The following ARHGAP20 variants were observed in gnomAD, a reference collection of about 807,000 sequenced individuals.
ARHGAP20 encodes the protein Rho GTPase activating protein 20, also known as rho GTPase-activating protein 20.
Under a neutral mutation model 73.7 loss-of-function variants are expected in ARHGAP20, and 34 were observed. The observed-to-expected ratio is 0.46, with a 90% confidence interval of 0.35 to 0.61. ARHGAP20 has a LOEUF of 0.61. Among genes scored for constraint, ARHGAP20 ranks in the 20% least tolerant of loss-of-function variants. The pLI is 0.00. For missense variants in ARHGAP20, 1,314 were observed against 1,420.9 expected (o/e 0.92, Z 1.21); for synonymous variants, 523 against 518.2 (o/e 1.01, Z -0.13).
chr11:110,583,469 A>G, intron 13 of ARHGAP20, 79 bp downstream of exon 13: 1 of 1,264,144 alleles, frequency 7.9e-7, no homozygotes, highest in Non-Finnish European at 1.1e-6. Flanking sequence ...TTAAGAAATC[A>G]TCTTTTAGAA....
At chr11:110,674,618 C>T (rs892124376) in intron 2 of ARHGAP20, among the ~76,000 whole-genome samples, 5 of 152,138 alleles carry the variant, frequency 3.3e-5, no homozygotes, top group African/African-American at 1.2e-4. Flanking sequence ...TAGAAATCCC[C>T]AAGATTTCTC....
intron 2 of ARHGAP20, among the ~76,000 whole-genome samples, chr11:110,645,657 G>A (rs115465495): frequency 5.1e-4 from 78 of 152,220 alleles, no homozygotes; most frequent in African/African-American, 1.9e-3. Flanking sequence ...CTACTGAAAA[G>A]ACACATATGT....
chr11:110,579,901 A>G lies in ARHGAP20; in HGVS notation c.3045T>C (p.Tyr1015=). Residue 1015 remains tyrosine, a synonymous_variant, in exon 15 of 15, where the codon TAT becomes TAC. Transcript: ENST00000683387. The stretch of plus-strand genomic sequence containing the variant: ...GCCACTCCATGGTGTCCTTCTTTGT[A>G]TAGGCTGGGCGGCTGCAAGCCTGCC... The part of the protein sequence containing the change: ...SSGQACSRPA[Y]TKKDTMEWHS... 6.2e-7 allele frequency: 1 copy of G among 1,614,192 alleles called. No individual in the cohort carries two copies. The highest frequency in any genetic ancestry group is 8.5e-7 in the Non-Finnish European group (1 of 1,180,044).
intron 2 of ARHGAP20, among the ~76,000 whole-genome samples, chr11:110,667,410 T>C (rs1026911578): frequency 2.6e-5 from 4 of 152,190 alleles, no homozygotes; most frequent in African/African-American, 7.2e-5. Flanking sequence ...TTACAACATG[T>C]TTTATTAAAT....
intron 1 of ARHGAP20, among the ~76,000 whole-genome samples, chr11:110,693,879 G>C (rs1474698310): frequency 6.6e-6 from 1 of 151,704 alleles, no homozygotes; most frequent in Non-Finnish European, 1.5e-5. Flanking sequence ...ATAATTATTT[G>C]CTTCACAGAA....
chr11:110,631,204 A>T (rs1308213094), intron 2 of ARHGAP20, among the ~76,000 whole-genome samples: 1 of 152,204 alleles, frequency 6.6e-6, no homozygotes, highest in African/African-American at 2.4e-5. Context: ...TCTTGATATC[A>T]AATTTACATA....
intron 9 of ARHGAP20, among the ~76,000 whole-genome samples, chr11:110,603,075 C>T (rs1216059691): frequency 1.3e-5 from 2 of 152,148 alleles, no homozygotes; most frequent in African/African-American, 2.4e-5. Flanking sequence ...ATCAGTGGTA[C>T]TACCTGAAAA....
intron 1 of ARHGAP20, 52 bp from the exon 2 acceptor site, chr11:110,690,681 A>G (rs748284580): frequency 6.4e-7 from 1 of 1,553,012 alleles, no homozygotes; most frequent in Non-Finnish European, 8.9e-7. Flanking sequence ...AAGGCAAGAC[A>G]ATGTTGATTT....
At chr11:110,694,272 C>A (rs569339412) in intron 1 of ARHGAP20, among the ~76,000 whole-genome samples, 18 of 151,894 alleles carry the variant, frequency 1.2e-4, no homozygotes, top group Admixed American at 6.6e-4. Context: ...ATGTCAAAAA[C>A]TGTTGTCTAT....
intron 3 of ARHGAP20, among the ~76,000 whole-genome samples, chr11:110,626,986 T>C (rs1416923267): frequency 2.6e-5 from 4 of 152,170 alleles, no homozygotes; most frequent in Non-Finnish European, 5.9e-5. Context: ...TAATTTAATG[T>C]GAACCGGCTC....
chr11:110,646,606 T>A (rs567706423), intron 2 of ARHGAP20, among the ~76,000 whole-genome samples: 2 of 152,268 alleles, frequency 1.3e-5, no homozygotes, highest in Non-Finnish European at 2.9e-5. Context: ...AAGTTGAATA[T>A]AAAGGAATAT....
Position 110,579,317 on chromosome 11 carries a change from CTAT to C in ARHGAP20, c.*50_*52del, listed in dbSNP as rs1447341015. On this transcript the variant is annotated 3_prime_UTR_variant, in exon 15 of 15. Transcript: ENST00000683387. Reference sequence around the variant, plus strand: ...ACAAAGGGGTCATAATAATTATTGTCTATTATTATTAACCCAGTTCCTGTTCTT... The same window carrying C: ...ACAAAGGGGTCATAATAATTATTGTCTATTATTAACCCAGTTCCTGTTCTT... 6.6e-7 allele frequency: 1 copy of C among 1,511,476 alleles called. No homozygotes were observed. Among genetic ancestry groups the C allele is most frequent in the Non-Finnish European group, 8.9e-7 (1 of 1,128,378 alleles). The allele number at this position is 1,511,476 out of a possible 1,614,324, so 93.6% of individuals were successfully genotyped here.
chr11:110,628,664 T>G (rs1948798222), intron 3 of ARHGAP20, among the ~76,000 whole-genome samples: 1 of 152,198 alleles, frequency 6.6e-6, no homozygotes, highest in African/African-American at 2.4e-5. Flanking sequence ...TCTTTCATAA[T>G]TTGAACCTCT....
At chr11:110,621,011 T>C (rs1459300174) in intron 4 of ARHGAP20, among the ~76,000 whole-genome samples, 1 of 144,082 alleles carries the variant, frequency 6.9e-6, no homozygotes, top group Non-Finnish European at 1.5e-5. Flanking sequence ...GAGGCAGAGG[T>C]TGCAGTGAGC....
At chr11:110,622,442 A>G (rs892783084) in intron 4 of ARHGAP20, among the ~76,000 whole-genome samples, 3 of 152,198 alleles carry the variant, frequency 2.0e-5, no homozygotes, top group Non-Finnish European at 4.4e-5. Flanking sequence ...GAGGACTCTA[A>G]ATGTTATTCT....
At chr11:110,671,849 T>C (rs1467631829) in intron 2 of ARHGAP20, among the ~76,000 whole-genome samples, 2 of 152,090 alleles carry the variant, frequency 1.3e-5, no homozygotes, top group African/African-American at 2.4e-5. Flanking sequence ...ATATAGCCAA[T>C]TGATTTTCTA....
chr11:110,608,575 G>T (rs900508170), intron 8 of ARHGAP20, among the ~76,000 whole-genome samples: 1 of 152,016 alleles, frequency 6.6e-6, no homozygotes, highest in Non-Finnish European at 1.5e-5. Context: ...TAAGATGCAT[G>T]GTTGTATTTT....
At chr11:110,692,103 C>T (rs541643778) in intron 1 of ARHGAP20, among the ~76,000 whole-genome samples, 15 of 152,204 alleles carry the variant, frequency 9.9e-5, no homozygotes, top group East Asian at 1.9e-4. Flanking sequence ...TATATTATAG[C>T]GTGCAAGCCC....
chr11:110,679,864 T>C (rs1193041210), intron 2 of ARHGAP20, among the ~76,000 whole-genome samples: 3 of 152,294 alleles, frequency 2.0e-5, no homozygotes, highest in East Asian at 1.9e-4. Context: ...GGTGTACATG[T>C]AAGCATTAAT....
Sources: allele counts gnomAD v4.1 joint callset (sites outside exome capture counted in the v4.1 genomes callset), GRCh38; gene constraint gnomAD v4.1.1; transcripts MANE v1.5; gene names NCBI Gene and HGNC (gene_info 2026-07-23, HGNC 2026-07-21).